The following TESPA1 variants were observed in gnomAD, a reference collection of about 807,000 sequenced individuals.
The protein encoded by TESPA1 is thymocyte expressed, positive selection associated 1, also known as protein TESPA1.
A neutral mutation model predicts 57.9 loss-of-function variants in TESPA1; 33 were observed. That is an observed-to-expected ratio of 0.57 (90% CI 0.43 to 0.76). The LOEUF (loss-of-function observed/expected upper bound fraction) is 0.76. TESPA1 is among the 30% of genes least tolerant of loss of function. TESPA1 has a pLI of 0.00. For missense variants in TESPA1, 618 were observed against 632.9 expected, an observed-to-expected ratio of 0.98 and a Z score of 0.25; for synonymous variants, 227 against 228.9, an observed-to-expected ratio of 0.99 and a Z score of 0.07.
intron 10 of TESPA1, among the ~76,000 whole-genome samples, chr12:54,960,232 G>C (rs1252942538): frequency 6.6e-6 from 1 of 152,140 alleles, no homozygotes; most frequent in East Asian, 1.9e-4. Context: ...TAGCAGATAG[G>C]TGGTTAAAAC....
Position 54,964,003 on chromosome 12 carries a change from T to TTCAGAATA in TESPA1, c.447-61_447-54dup. 7 of 1,536,074 alleles carry TTCAGAATA rather than the reference T, an allele frequency of 4.6e-6. 1 individual carries two copies. The South Asian group carries it at 8.0e-5, about 18-fold the overall frequency. ...GGGACAACTTTGAGACACATGGTAA[T>TTCAGAATA]TCAGAATATCAGAATATCTAATAAA... is the stretch of plus-strand genomic sequence containing the variant. On this transcript the variant is annotated intron_variant, in intron 7 of 10. Transcript: ENST00000449076.
intron 10 of TESPA1, among the ~76,000 whole-genome samples, chr12:54,957,243 A>G (rs1950789207): frequency 6.6e-6 from 1 of 152,208 alleles, no homozygotes. Context: ...CATGGGCTGC[A>G]CAACGCTACA....
chr12:54,972,277 C>T (rs1055725912), intron 3 of TESPA1, among the ~76,000 whole-genome samples: 5 of 152,106 alleles, frequency 3.3e-5, no homozygotes, highest in African/African-American at 7.2e-5. Flanking sequence ...TCAATTAGAA[C>T]GAAATATGTT....
intron 3 of TESPA1, among the ~76,000 whole-genome samples, chr12:54,970,561 G>C (rs889878833): frequency 2.0e-5 from 3 of 152,130 alleles, no homozygotes; most frequent in African/African-American, 7.2e-5. Context: ...ACATGGGCCT[G>C]GAGCTATTGA....
intron 9 of TESPA1, among the ~76,000 whole-genome samples, chr12:54,961,635 G>T (rs1235708904): frequency 6.6e-6 from 1 of 152,150 alleles, no homozygotes; most frequent in Non-Finnish European, 1.5e-5. Flanking sequence ...AAGAGTTGGT[G>T]GACTTAGAGA....
intron 7 of TESPA1, among the ~76,000 whole-genome samples, chr12:54,965,430 G>A (rs933814308): frequency 1.1e-4 from 16 of 152,122 alleles, no homozygotes; most frequent in African/African-American, 3.4e-4. Context: ...CCACTTAGAC[G>A]TGAAAACATG....
chr12:54,959,292 T>A (rs1375721039), intron 10 of TESPA1, among the ~76,000 whole-genome samples: 4 of 152,184 alleles, frequency 2.6e-5, no homozygotes, highest in African/African-American at 9.7e-5. Context: ...TTCCTTCAGG[T>A]CGGTTAGTCT....
At chr12:54,967,129 A>G in intron 5 of TESPA1, 54 bp downstream of exon 5, 1 of 1,599,312 alleles carries the variant, frequency 6.3e-7, no homozygotes, top group Non-Finnish European at 8.5e-7. Flanking sequence ...TCCTGAATTC[A>G]TACAATGTAT....
At chr12:54,970,103 T>C (rs1488352223) in intron 3 of TESPA1, among the ~76,000 whole-genome samples, 5 of 152,076 alleles carry the variant, frequency 3.3e-5, no homozygotes, top group African/African-American at 4.8e-5. Flanking sequence ...TAAAAAACTG[T>C]TGTTTTTTTT....
intron 1 of TESPA1, among the ~76,000 whole-genome samples, chr12:54,983,305 T>C (rs907731366): frequency 6.6e-6 from 1 of 152,158 alleles, no homozygotes; most frequent in Non-Finnish European, 1.5e-5. Flanking sequence ...ATAACTCAGA[T>C]GTTAAATTGC....
Position 54,949,264 on chromosome 12 carries a change from T to A in TESPA1, c.*1128A>T, listed in dbSNP as rs1950243717. 1 of 152,188 alleles carries A rather than the reference T, an allele frequency of 6.6e-6. No individual in the cohort carries two copies. The highest frequency in any genetic ancestry group is 2.1e-4 in the South Asian group (1 of 4,834). The allele number at this position is 152,188 out of a possible 1,614,324, so 9.4% of individuals were successfully genotyped here. ...ACTCAGTTTGTGCCTTCTCCCCTAA[T>A]GCTGGCAATAGCACCAGAACAAAAT... On this transcript the variant is annotated 3_prime_UTR_variant, in exon 11 of 11. Coordinates refer to ENST00000449076, the MANE Select transcript of TESPA1 (RefSeq NM_001136030.3).
rs998898910 is a variant in TESPA1 at position 54,949,214 on chromosome 12, T to G, written c.*1178A>C. 2 of 152,182 alleles carry G rather than the reference T, an allele frequency of 1.3e-5. No homozygotes were observed. The highest frequency in any genetic ancestry group is 4.8e-5 in the African/African-American group (2 of 41,444). The allele number at this position is 152,182 out of a possible 1,614,324, so 9.4% of individuals were successfully genotyped here. ...TAAAAATTTTTCCACCCTAGCCCTT[T>G]TGTCTCTGCCTCACTACGTATCAGA... On this transcript the variant is annotated 3_prime_UTR_variant, in exon 11 of 11. Coordinates refer to ENST00000449076, the MANE Select transcript of TESPA1 (RefSeq NM_001136030.3).
chr12:54,966,388 C>G lies in TESPA1; in HGVS notation c.347G>C (p.Arg116Thr). Reference protein sequence around the residue: ...LLAANGKLFSRSFLETARPCQ... With the variant: ...LLAANGKLFSTSFLETARPCQ... ...CACCCTGGCTGAACCTAACACTTAC[C>G]TGGAGAAGAGTTTGCCATTGGCGGC... is the stretch of plus-strand genomic sequence containing the variant. The change falls in exon 6 of 11, where the codon AGG (arginine) becomes ACG (threonine). Residue 116 changes from arginine to threonine, a missense_variant and splice_region_variant. Physicochemically the swap from Arg to Thr is moderately conservative, Grantham distance 71. Transcript: ENST00000449076. 3 of 1,613,866 alleles carry G rather than the reference C, an allele frequency of 1.9e-6. No homozygotes were observed. Among genetic ancestry groups the G allele is most frequent in the African/African-American group, 1.3e-5 (1 of 75,022 alleles).
intron 10 of TESPA1, among the ~76,000 whole-genome samples, chr12:54,960,431 T>A (rs1027048027): frequency 2.0e-5 from 3 of 152,188 alleles, no homozygotes; most frequent in African/African-American, 7.2e-5. Flanking sequence ...GCTACCTTCA[T>A]CAGACCACAG....
chr12:54,948,662 A>G lies in TESPA1; in HGVS notation c.*1730T>C. On this transcript the variant is annotated 3_prime_UTR_variant, in exon 11 of 11. Coordinates refer to ENST00000449076, the MANE Select transcript of TESPA1 (RefSeq NM_001136030.3). ...GGCCTCCCCAGAAACTGATGTTGCC[A>G]TGCTTCCTGTACAGCCTGCGGAACT... is the stretch of plus-strand genomic sequence containing the variant. 1 of 152,440 alleles carries G rather than the reference A, an allele frequency of 6.6e-6. No individual in the cohort carries two copies. The highest frequency in any genetic ancestry group is 2.1e-4 in the South Asian group (1 of 4,832). The allele number at this position is 152,440 out of a possible 1,614,324, so 9.4% of individuals were successfully genotyped here.
intron 10 of TESPA1, among the ~76,000 whole-genome samples, chr12:54,953,339 A>C (rs1206345726): frequency 6.6e-6 from 1 of 152,098 alleles, no homozygotes; most frequent in Non-Finnish European, 1.5e-5. Flanking sequence ...CCCACTAGGC[A>C]TAAGGTGTAG....
At chr12:54,974,674 G>GC in intron 1 of TESPA1, 67 bp from the exon 2 acceptor site, 1 of 1,233,852 alleles carries the variant, frequency 8.1e-7, no homozygotes. Context: ...GCTCAGGGTT[G>GC]CCCCCTGAAT....
chr12:54,962,451 C>T lies in TESPA1; in HGVS notation c.1447G>A (p.Asp483Asn), dbSNP rs183029428. ...LRRSLSQQPQ[D>N]TFDLEEVQSN... ...CTTACCTCCTCCAAGTCAAAAGTGT[C>T]CTGTGGCTGCTGGCTTAAAGACCGA... The change falls in exon 9 of 11, where the codon GAC becomes AAC. Residue 483 changes from aspartate to asparagine, a missense_variant. Around this residue, in one of 3 missense-constraint regions of TESPA1, gnomAD observed 409 missense variants for 420.1 expected, o/e 0.97. Coordinates refer to ENST00000449076, the MANE Select transcript of TESPA1 (RefSeq NM_001136030.3). 39 of 1,611,814 alleles carry T rather than the reference C, an allele frequency of 2.4e-5. No individual in the cohort carries two copies. The highest frequency in any genetic ancestry group is 2.5e-5 in the Non-Finnish European group (30 of 1,179,460).
intron 3 of TESPA1, among the ~76,000 whole-genome samples, chr12:54,969,045 A>G (rs7968066): frequency 0.012 from 1,432 of 115,798 alleles, 56 homozygotes; most frequent in Middle Eastern, 0.031. Context: ...ATATATATAT[A>G]TGTGTGTGTG....
Sources: gnomAD v4.1 joint callset for allele counts (sites outside exome capture counted in the v4.1 genomes callset) on GRCh38, gnomAD v4.1.1 for gene constraint, gnomAD v4.1.1 regional missense constraint, MANE v1.5 for transcripts, NCBI Gene and HGNC (gene_info 2026-07-23, HGNC 2026-07-21) for gene names.